Variants in DCT observed in about 807,000 individuals in gnomAD.
The protein encoded by DCT is L-dopachrome tautomerase.
DCT carries 47 observed loss-of-function variants against 53.0 expected under a neutral mutation model. The observed-to-expected ratio is 0.89, with a 90% CI of 0.70 to 1.13. The LOEUF is 1.13. DCT is among the 50% of genes most tolerant of loss of function. DCT has a pLI of 0.00. For synonymous variants in DCT, 244 were observed against 237.0 expected (o/e 1.03, Z -0.27); for missense variants, 669 against 637.4 (o/e 1.05, Z -0.53).
rs1407005432 is a variant in DCT, at chr13:94,447,271, G to A, written c.1180-3634C>T. Among the ~76,000 whole-genome samples the A allele has an allele frequency of 2.0e-5, 3 of 152,316 alleles. No homozygotes were observed. In the East Asian group the frequency reaches 5.8e-4, roughly 29 times the overall value. ...AATTTTCACGGACCAGGGGGTGGTG[G>A]ATGGGAAGGGAGATGGTTTCAGGAT... On this transcript the variant is annotated intron_variant, in intron 6 of 7. Coordinates refer to ENST00000377028, the MANE Select transcript of DCT (RefSeq NM_001922.5).
At chr13:94,518,108 GGGAAGGAAGGAAGGAAGGAA>G in the DCT span, among the ~76,000 whole-genome samples, 1,088 of 125,262 alleles carry the variant, frequency 8.7e-3, 14 homozygotes, top group African/African-American at 0.032. Flanking sequence ...GGGAAACGAA[GGGAAGGAAGGAAGGAAGGAA>G]GGAAGGAAGG....
In DCT at chr13:94,443,638, C is replaced by T. The variant is rs570686280; in HGVS notation, c.1180-1G>A. 3 of 1,611,924 alleles carry T rather than the reference C, an allele frequency of 1.9e-6. No individual in the cohort carries two copies. The highest frequency in any genetic ancestry group is 2.2e-5 in the East Asian group (1 of 44,816). ...TGGCATCAGTAAAGGAATGAAGAACCTGCAAAACAGTTGGACACAGCATTT... is the reference window on the plus strand; with the variant it reads ...TGGCATCAGTAAAGGAATGAAGAACTTGCAAAACAGTTGGACACAGCATTT... On this transcript the variant is annotated splice_acceptor_variant, in intron 6 of 7. Transcript: ENST00000377028. LOFTEE classifies it high-confidence loss of function.
At chr13:94,549,022 C>T in the DCT span, among the ~76,000 whole-genome samples, 9,580 of 152,232 alleles carry the variant, frequency 0.063, 815 homozygotes, top group African/African-American at 0.19. Context: ...CCCTGGCCAA[C>T]GTTCTTTAGT....
chr13:94,483,234 C>G (rs1885520934), upstream of DCT, among the ~76,000 whole-genome samples: 1 of 151,488 alleles, frequency 6.6e-6, no homozygotes, highest in African/African-American at 2.4e-5. Context: ...GTGATTGCAC[C>G]ACTGCACTCC....
chr13:94,501,557 C>T, the DCT span, among the ~76,000 whole-genome samples: 223 of 152,052 alleles, frequency 1.5e-3, 1 homozygote, highest in African/African-American at 5.2e-3. Context: ...GCACTAGGCA[C>T]CAGGCTCACA....
chr13:94,513,232 T>A, the DCT span, among the ~76,000 whole-genome samples: 1 of 152,218 alleles, frequency 6.6e-6, no homozygotes, highest in African/African-American at 2.4e-5. Flanking sequence ...AGTATCCTTT[T>A]TTATCTCCTT....
intron 6 of DCT, among the ~76,000 whole-genome samples, chr13:94,457,811 G>T (rs1476512789): frequency 6.6e-6 from 1 of 152,162 alleles, no homozygotes; most frequent in African/African-American, 2.4e-5. Context: ...TTGGGGATTG[G>T]CTGCTGAGAC....
At chr13:94,497,715 G>A in the DCT span, among the ~76,000 whole-genome samples, 1 of 152,158 alleles carries the variant, frequency 6.6e-6, no homozygotes, top group Non-Finnish European at 1.5e-5. Context: ...AAGAAGAGGG[G>A]TTGGTCTTGC....
At chr13:94,504,373 T>G in the DCT span, among the ~76,000 whole-genome samples, 2 of 152,182 alleles carry the variant, frequency 1.3e-5, no homozygotes, top group Admixed American at 6.5e-5. Context: ...TTGTTTGTTT[T>G]GTTTTTTCTT....
At chr13:94,522,218 C>A in the DCT span, among the ~76,000 whole-genome samples, 2 of 152,162 alleles carry the variant, frequency 1.3e-5, no homozygotes, top group African/African-American at 2.4e-5. Context: ...AGTCAGTGAG[C>A]TGGGAAAGGC....
chr13:94,463,865 G>C (rs920451791), intron 4 of DCT, among the ~76,000 whole-genome samples: 1 of 152,194 alleles, frequency 6.6e-6, no homozygotes, highest in Non-Finnish European at 1.5e-5. Context: ...GGCCTCCCAG[G>C]CAGCGTTTCC....
intron 6 of DCT, among the ~76,000 whole-genome samples, chr13:94,446,805 T>C (rs4255654): frequency 0.14 from 21,573 of 152,108 alleles, 1,871 homozygotes; most frequent in Non-Finnish European, 0.2. Context: ...TAGATCTCTA[T>C]CTTCATCCTC....
At chr13:94,440,638 A>C (rs1042544169) in intron 7 of DCT, among the ~76,000 whole-genome samples, 3 of 150,868 alleles carry the variant, frequency 2.0e-5, no homozygotes, top group Non-Finnish European at 4.4e-5. Flanking sequence ...TATATTTTAT[A>C]AGCTCTCTTC....
At chr13:94,460,365 A>T (rs1299703167) in intron 5 of DCT, 139 bp from the exon 6 acceptor site, 2 of 721,802 alleles carry the variant, frequency 2.8e-6, no homozygotes, top group African/African-American at 1.8e-5. Context: ...AAATTGACCA[A>T]GAATTTGCCC....
At chr13:94,483,443 CTT>C (rs34530396), upstream of DCT, among the ~76,000 whole-genome samples, 7 of 146,192 alleles carry the variant, frequency 4.8e-5, no homozygotes, top group Admixed American at 6.9e-5. Context: ...GCGTTTCTCC[CTT>C]TTTTTTTTTT....
At chr13:94,455,030 C>T (rs923778699) in intron 6 of DCT, among the ~76,000 whole-genome samples, 8 of 152,130 alleles carry the variant, frequency 5.3e-5, no homozygotes, top group African/African-American at 1.7e-4. Flanking sequence ...CGGGATTTCT[C>T]ACCCATCAAG....
At chr13:94,481,916 A>G (rs190573911), upstream of DCT, among the ~76,000 whole-genome samples, 10 of 152,360 alleles carry the variant, frequency 6.6e-5, no homozygotes, top group East Asian at 1.9e-3. Context: ...TTTCCAATGC[A>G]CTTCAAGTAA....
At chr13:94,488,170 T>C in the DCT span, among the ~76,000 whole-genome samples, 1 of 152,294 alleles carries the variant, frequency 6.6e-6, no homozygotes, top group East Asian at 1.9e-4. Context: ...TTTTTATGTG[T>C]ACCCTTATAA....
chr13:94,507,070 G>A, the DCT span, among the ~76,000 whole-genome samples: 1 of 152,100 alleles, frequency 6.6e-6, no homozygotes, highest in East Asian at 1.9e-4. Context: ...CAAAGACTAA[G>A]AACTGCACAG....
Sources: allele counts gnomAD v4.1 joint callset (sites outside exome capture counted in the v4.1 genomes callset), GRCh38; gene constraint gnomAD v4.1.1; transcripts MANE v1.5; gene names NCBI Gene and HGNC (gene_info 2026-07-23, HGNC 2026-07-21).